Variants in UNC80 observed in about 807,000 individuals in gnomAD.
UNC80 encodes protein unc-80 homolog.
UNC80 carries 164 observed loss-of-function variants against 384.6 expected under a neutral mutation model. That is an observed-to-expected ratio of 0.43 (90% confidence interval 0.38 to 0.49). The LOEUF (loss-of-function observed/expected upper bound fraction) is 0.49. Ranked by LOEUF, UNC80 falls within the 20% of genes least tolerant of loss-of-function variation. UNC80 has a pLI of 0.00. For synonymous variants in UNC80, 1,486 were observed against 1,527.8 expected, an observed-to-expected ratio of 0.97 and a Z score of 0.64; for missense variants, 3,330 against 4,143.0, an observed-to-expected ratio of 0.80 and a Z score of 5.39.
At chr2:209,775,327 A>T (rs1411916471) in intron 2 of UNC80, among the ~76,000 whole-genome samples, 1 of 151,886 alleles carries the variant, frequency 6.6e-6, no homozygotes, top group Non-Finnish European at 1.5e-5. Flanking sequence ...TATTCCACAG[A>T]TATATTAAGT....
rs754371531 is a variant in UNC80 at position 209,839,385 on chromosome 2, C to T, written c.3205C>T (p.Arg1069Ter). Reference sequence around the variant, plus strand: ...CACCTCTGACCGACGTGCCCGCTCACGATCCCGCAGAATTTCCCTCCGAAA... The same window carrying T: ...CACCTCTGACCGACGTGCCCGCTCATGATCCCGCAGAATTTCCCTCCGAAA... ...GTTSDRRARSRSRRISLRKKL... is the reference protein window; with the variant it reads ...GTTSDRRARS Residue 1069 changes from arginine (R) to a stop codon, truncating the protein, a stop_gained, in exon 19 of 65, where the codon CGA (arginine) becomes TGA (stop). Coordinates refer to ENST00000673920, the MANE Select transcript of UNC80 (RefSeq NM_001371986.1). LOFTEE classifies it high-confidence loss of function. The surrounding 1 kb of genome is among the most constrained non-coding windows in gnomAD (Gnocchi z 4.1). The T allele has an allele frequency of 1.9e-6, 3 of 1,551,924 alleles. No homozygotes were observed. The highest frequency in any genetic ancestry group is 3.9e-5 in the Admixed American group (2 of 50,984).
In UNC80 at chr2:209,834,974, G is replaced by A. The variant is rs1305683679; in HGVS notation, c.3005G>A (p.Ser1002Asn). The A allele has an allele frequency of 1.3e-6, 2 of 1,551,212 alleles. No homozygotes were observed. Among genetic ancestry groups the A allele is most frequent in the South Asian group, 1.2e-5 (1 of 84,046 alleles). ...TCCTCTGCACCTGAGGAATGTCGCA[G>A]CTTCATGTCTGGTCGCCCCTCACAG... ...QVSSAPEECR[S>N]FMSGRPSQTP... The change falls in exon 18 of 65, where the codon AGC becomes AAC. Residue 1002 changes from serine (S) to asparagine (N), a missense_variant. Around this residue, in one of 8 missense-constraint regions of UNC80, gnomAD observed 801 missense variants for 950.8 expected, o/e 0.84. Transcript: ENST00000673920.
At chr2:209,896,265 C>T in intron 27 of UNC80, 48 bp from the exon 28 acceptor site, 1 of 1,506,106 alleles carries the variant, frequency 6.6e-7, no homozygotes, top group Non-Finnish European at 9.0e-7. Flanking sequence ...AACATGCTCT[C>T]CAGGGAGACC....
chr2:209,900,453 A>C (rs2087271042), intron 28 of UNC80, among the ~76,000 whole-genome samples: 1 of 152,122 alleles, frequency 6.6e-6, no homozygotes, highest in Non-Finnish European at 1.5e-5. Context: ...ACCCATATTG[A>C]TGTTGAACTT....
chr2:209,789,413 T>G (rs987756623), intron 5 of UNC80, 119 bp from the exon 6 acceptor site: 2 of 694,094 alleles, frequency 2.9e-6, no homozygotes, highest in Non-Finnish European at 4.8e-6. Flanking sequence ...CGTTAATGTC[T>G]TCTTTTAAAG....
intron 29 of UNC80, among the ~76,000 whole-genome samples, chr2:209,910,476 C>A (rs1222696341): frequency 1.3e-5 from 2 of 151,950 alleles, no homozygotes; most frequent in Non-Finnish European, 2.9e-5. Flanking sequence ...GATGTGAAAG[C>A]CCTTGCAGCT....
At chr2:209,930,472 T>C (rs1301998709) in intron 37 of UNC80, among the ~76,000 whole-genome samples, 1 of 152,190 alleles carries the variant, frequency 6.6e-6, no homozygotes, top group Non-Finnish European at 1.5e-5. Context: ...TTAAGTTTAG[T>C]TTCTGAAAGG....
chr2:209,973,420 C>G (rs1306997056), intron 56 of UNC80, 150 bp downstream of exon 56: 1 of 766,408 alleles, frequency 1.3e-6, no homozygotes, highest in African/African-American at 1.8e-5. Context: ...AGACCTCAAA[C>G]CAGAATGTAT....
At chr2:209,806,358 A>G (rs1298065836) in intron 7 of UNC80, among the ~76,000 whole-genome samples, 1 of 152,168 alleles carries the variant, frequency 6.6e-6, no homozygotes, top group Admixed American at 6.5e-5. Flanking sequence ...TTGTGAACAG[A>G]TATTTTTTTC....
At chr2:209,866,527 C>CACACACACACACAA in intron 22 of UNC80, among the ~76,000 whole-genome samples, 1 of 90,994 alleles carries the variant, frequency 1.1e-5, no homozygotes. Flanking sequence ...CACACACACA[C>CACACACACACACAA]ACACACAGAG....
intron 4 of UNC80, among the ~76,000 whole-genome samples, chr2:209,784,772 G>A (rs1175891637): frequency 1.3e-5 from 2 of 152,126 alleles, no homozygotes; most frequent in East Asian, 1.9e-4. Context: ...ATAGTACCGG[G>A]TATATGGTAG....
intron 49 of UNC80, 49 bp from the exon 50 acceptor site, chr2:209,959,070 A>AC (rs1270821446): frequency 9.8e-6 from 15 of 1,528,712 alleles, no homozygotes; most frequent in Non-Finnish European, 1.2e-5. Context: ...CAACCAAAGG[A>AC]CCCCGTTCTT....
At chr2:209,979,885 A>G (rs1280268211) in intron 59 of UNC80, among the ~76,000 whole-genome samples, 1 of 152,248 alleles carries the variant, frequency 6.6e-6, no homozygotes, top group Non-Finnish European at 1.5e-5. Context: ...AGAAGAAACG[A>G]GAGTTGAGGT....
chr2:209,966,675 G>A (rs984253647), intron 51 of UNC80, among the ~76,000 whole-genome samples: 1 of 152,170 alleles, frequency 6.6e-6, no homozygotes, highest in Non-Finnish European at 1.5e-5. Context: ...TGGGTCTGGT[G>A]ACTGCAAGCC....
intron 48 of UNC80, among the ~76,000 whole-genome samples, chr2:209,956,140 A>G (rs946180378): frequency 1.3e-5 from 2 of 152,200 alleles, no homozygotes; most frequent in Non-Finnish European, 2.9e-5. Flanking sequence ...GACTTACTCG[A>G]AGTGTCACAA....
rs1035839091 is a variant in UNC80, at chr2:209,839,370, C to G, written c.3190C>G (p.Arg1064Gly). The G allele has an allele frequency of 1.3e-6, 2 of 1,551,974 alleles. No individual in the cohort carries two copies. The highest frequency in any genetic ancestry group is 1.2e-5 in the South Asian group (1 of 84,052). The change falls in exon 19 of 65, where the codon CGA (arginine) becomes GGA (glycine). Residue 1064 changes from arginine (R) to glycine (G), a missense_variant. Physicochemically the swap from Arg to Gly is moderately radical, Grantham distance 125 (BLOSUM62 -2). Coordinates refer to ENST00000673920, the MANE Select transcript of UNC80 (RefSeq NM_001371986.1). This position sits in a 1 kb window ranked among gnomAD's most constrained non-coding sequence, Gnocchi z 4.1. ...TTAHSGTTSD[R>G]RARSRSRRIS... ...TGCCCACTCAGGGACCACCTCTGAC[C>G]GACGTGCCCGCTCACGATCCCGCAG...
chr2:209,971,070 G>A, intron 54 of UNC80, 113 bp downstream of exon 54: 1 of 1,360,524 alleles, frequency 7.4e-7, no homozygotes, highest in Non-Finnish European at 9.8e-7. Flanking sequence ...AAACAAAAGT[G>A]TAAACATCTC....
intron 4 of UNC80, among the ~76,000 whole-genome samples, chr2:209,783,195 T>C (rs1268482819): frequency 1.3e-5 from 2 of 152,222 alleles, no homozygotes; most frequent in African/African-American, 2.4e-5. Flanking sequence ...ATATTGCCTC[T>C]ACGTGTACTT....
At chr2:209,884,856 A>G (rs2085631361) in intron 25 of UNC80, among the ~76,000 whole-genome samples, 4 of 151,768 alleles carry the variant, frequency 2.6e-5, no homozygotes, top group South Asian at 2.1e-4. Flanking sequence ...ATGAGAACAC[A>G]TGGAAACAGG....
Sources: gnomAD v4.1 joint callset for allele counts (sites outside exome capture counted in the v4.1 genomes callset) on GRCh38, gnomAD v4.1.1 for gene constraint, gnomAD v4.1.1 regional missense constraint, Gnocchi (gnomAD v3.1) non-coding constraint, MANE v1.5 for transcripts, NCBI Gene and HGNC (gene_info 2026-07-23, HGNC 2026-07-21) for gene names.